Variants in SUGCT observed in about 807,000 individuals in gnomAD.
SUGCT encodes the protein succinyl-CoA:glutarate-CoA transferase.
SUGCT carries 41 observed loss-of-function variants against 55.0 expected under a neutral mutation model. That is an observed-to-expected ratio of 0.74 (90% confidence interval 0.58 to 0.97). SUGCT has a LOEUF of 0.97. Ranked by LOEUF, SUGCT falls within the 50% of genes least tolerant of loss-of-function variation. The pLI is 0.00. For missense variants in SUGCT, 568 were observed against 547.8 expected (o/e 1.04, Z -0.37); for synonymous variants, 187 against 200.4 (o/e 0.93, Z 0.56).
Position 40,188,535 on chromosome 7 carries a change from T to A in SUGCT, c.267T>A (p.Val89=). 6.2e-7 allele frequency: 1 copy of A among 1,610,474 alleles called. No individual in the cohort carries two copies. Among genetic ancestry groups the A allele is most frequent in the Non-Finnish European group, 8.5e-7 (1 of 1,178,856 alleles). The change falls in exon 4 of 14, where the codon GTT becomes GTA. Residue 89 remains valine (V), a synonymous_variant. Coordinates refer to ENST00000335693, the MANE Select transcript of SUGCT (RefSeq NM_001193313.2). ...CACGAACTTGGGGGCCACCTTTTGT[T>A]GGGACAGAAAGTACATATTATCTCA... ...DDTRTWGPPF[V]GTESTYYLSV... is the part of the protein sequence containing the mutation.
At chr7:40,942,615 C>T in the SUGCT span, among the ~76,000 whole-genome samples, 41 of 152,258 alleles carry the variant, frequency 2.7e-4, no homozygotes, top group South Asian at 6.2e-4. Context: ...TCTCCAGCAA[C>T]GCCCAGGAGG....
chr7:40,651,818 T>C (rs905766255), intron 12 of SUGCT, among the ~76,000 whole-genome samples: 1 of 152,212 alleles, frequency 6.6e-6, no homozygotes, highest in African/African-American at 2.4e-5. Flanking sequence ...TACCACCGCA[T>C]TTTTGTTTGA....
At chr7:41,031,013 G>A in the SUGCT span, among the ~76,000 whole-genome samples, 110 of 152,270 alleles carry the variant, frequency 7.2e-4, no homozygotes, top group Non-Finnish European at 1.4e-3. Context: ...CCAGGTTGGT[G>A]TGCAGTGACA....
intron 12 of SUGCT, among the ~76,000 whole-genome samples, chr7:40,500,369 C>G (rs765836260): frequency 9.9e-5 from 15 of 152,148 alleles, no homozygotes; most frequent in Non-Finnish European, 1.9e-4. Flanking sequence ...AATATCAGAA[C>G]TATTGAAATA....
At chr7:40,457,592 T>A (rs1481758669) in intron 10 of SUGCT, among the ~76,000 whole-genome samples, 1 of 152,236 alleles carries the variant, frequency 6.6e-6, no homozygotes, top group Non-Finnish European at 1.5e-5. Context: ...ATAATAGTTA[T>A]GATCACAGTC....
chr7:40,849,675 A>C (rs1033507744), intron 13 of SUGCT, among the ~76,000 whole-genome samples: 2 of 152,114 alleles, frequency 1.3e-5, no homozygotes, highest in Non-Finnish European at 2.9e-5. Flanking sequence ...TTTTCACCCT[A>C]GAAGAATCAT....
intron 8 of SUGCT, among the ~76,000 whole-genome samples, chr7:40,288,485 T>G (rs1022531069): frequency 3.3e-5 from 5 of 151,104 alleles, no homozygotes; most frequent in South Asian, 2.1e-4. Context: ...AAATTCAGGG[T>G]TTTTTTTTCT....
the SUGCT span, among the ~76,000 whole-genome samples, chr7:40,972,462 A>G: frequency 6.6e-6 from 1 of 152,220 alleles, no homozygotes; most frequent in South Asian, 2.1e-4. Context: ...ATCAGCATGT[A>G]CGTTGGTTCC....
At chr7:40,783,331 G>T (rs1789852933) in intron 13 of SUGCT, among the ~76,000 whole-genome samples, 1 of 152,098 alleles carries the variant, frequency 6.6e-6, no homozygotes, top group South Asian at 2.1e-4. Flanking sequence ...GAACTTTCAG[G>T]CCCCACAGGC....
At chr7:40,919,514 ACGACTG>A in the SUGCT span, among the ~76,000 whole-genome samples, 1 of 152,210 alleles carries the variant, frequency 6.6e-6, no homozygotes, top group Non-Finnish European at 1.5e-5. Context: ...AAGTGTTGTA[ACGACTG>A]ATTGACAGGT....
At chr7:40,624,365 A>G (rs1351667829) in intron 12 of SUGCT, among the ~76,000 whole-genome samples, 1 of 152,220 alleles carries the variant, frequency 6.6e-6, no homozygotes, top group Non-Finnish European at 1.5e-5. Context: ...AGTAACAGTA[A>G]TAGTTAACAC....
chr7:40,917,037 G>C, the SUGCT span, among the ~76,000 whole-genome samples: 1 of 152,332 alleles, frequency 6.6e-6, no homozygotes, highest in South Asian at 2.1e-4. Flanking sequence ...TGACAAAGTA[G>C]CCTGGGAATG....
intron 1 of SUGCT, among the ~76,000 whole-genome samples, chr7:40,166,713 C>T (rs557628942): frequency 2.3e-3 from 348 of 152,116 alleles, no homozygotes; most frequent in Non-Finnish European, 3.9e-3. Context: ...ATGATGAAAC[C>T]CTGTCTCCAC....
intron 10 of SUGCT, 88 bp downstream of exon 10, chr7:40,449,446 C>T: frequency 1.1e-6 from 1 of 894,372 alleles, no homozygotes; most frequent in South Asian, 1.4e-5. Context: ...AACTTAGGCC[C>T]CCTGTGTTAG....
At chr7:40,135,482 T>C (rs997714276) in intron 1 of SUGCT, among the ~76,000 whole-genome samples, 1 of 152,266 alleles carries the variant, frequency 6.6e-6, no homozygotes, top group Non-Finnish European at 1.5e-5. Flanking sequence ...TTTAGCCCGC[T>C]GCTTTGAATA....
intron 13 of SUGCT, among the ~76,000 whole-genome samples, chr7:40,758,019 A>T (rs894647616): frequency 6.6e-6 from 1 of 152,214 alleles, no homozygotes; most frequent in Non-Finnish European, 1.5e-5. Flanking sequence ...CAATAGCTAA[A>T]TACAAAAGTT....
chr7:40,957,909 C>G, the SUGCT span, among the ~76,000 whole-genome samples: 2 of 152,098 alleles, frequency 1.3e-5, no homozygotes, highest in Non-Finnish European at 2.9e-5. Context: ...TTTTATTTCT[C>G]CTTCACTTAT....
intron 12 of SUGCT, among the ~76,000 whole-genome samples, chr7:40,600,352 C>G (rs917427750): frequency 1.3e-5 from 2 of 152,212 alleles, no homozygotes; most frequent in Admixed American, 6.5e-5. Context: ...GCTGGAAACA[C>G]TTTCACCCAA....
the SUGCT span, among the ~76,000 whole-genome samples, chr7:41,006,100 A>G: frequency 1.3e-5 from 2 of 152,188 alleles, no homozygotes; most frequent in South Asian, 2.1e-4. Flanking sequence ...TTTGGCTCCA[A>G]AGCTTTTCAG....
Sources: gnomAD v4.1 joint callset for allele counts (sites outside exome capture counted in the v4.1 genomes callset) on GRCh38, gnomAD v4.1.1 for gene constraint, MANE v1.5 for transcripts, NCBI Gene and HGNC (gene_info 2026-07-23, HGNC 2026-07-21) for gene names.